The following MGST1 variants were observed in gnomAD, a reference collection of about 807,000 sequenced individuals.
The protein encoded by MGST1 is microsomal glutathione S-transferase 1.
In MGST1, 5 loss-of-function variants were observed where a neutral mutation model predicts 8.9. The observed-to-expected ratio is 0.56, with a 90% CI of 0.29 to 1.19. The LOEUF is 1.19. MGST1 is among the 50% of genes most tolerant of loss of function. The pLI, the probability that MGST1 is intolerant of heterozygous loss-of-function variation, is 0.08. For missense variants in MGST1, 182 were observed against 187.4 expected (o/e 0.97, Z 0.17); for synonymous variants, 54 against 67.8 (o/e 0.80, Z 1.00).
intron 4 of MGST1, among the ~76,000 whole-genome samples, chr12:16,464,097 G>A (rs536073140): frequency 6.6e-6 from 1 of 152,332 alleles, no homozygotes; most frequent in South Asian, 2.1e-4. Flanking sequence ...CATCTGTGAA[G>A]TGGGTATACA....
chr12:16,402,950 AT>A (rs1940670117), intron 1 of MGST1, among the ~76,000 whole-genome samples: 1 of 118,150 alleles, frequency 8.5e-6, no homozygotes. Flanking sequence ...CATTTAATAT[AT>A]TCTCTATATA....
intron 3 of MGST1, among the ~76,000 whole-genome samples, chr12:16,374,646 G>C (rs1413569335): frequency 6.6e-6 from 1 of 152,012 alleles, no homozygotes; most frequent in Non-Finnish European, 1.5e-5. Context: ...TTGAAAACCA[G>C]GTTATTTATT....
chr12:16,389,650 A>G lies in MGST1; in HGVS notation n.778+6046A>G, dbSNP rs1591714938. Among the ~76,000 whole-genome samples, 2 of 152,350 alleles carry G rather than the reference A, an allele frequency of 1.3e-5. No homozygotes were observed. The highest frequency in any genetic ancestry group is 4.1e-4 in the South Asian group (2 of 4,828). ...TCATAGGAGGGACTACAGAGAAGCA[A>G]GGATTCCAGATGGAGGGAGAGTTTG... is the stretch of plus-strand genomic sequence containing the variant. On this transcript the variant is annotated intron_variant and non_coding_transcript_variant, in intron 1 of 1. Coordinates refer to the MGST1 transcript ENST00000359720. This position sits in a 1 kb window ranked among gnomAD's most constrained non-coding sequence, Gnocchi z 4.6.
At chr12:16,487,472 G>A (rs974227772) in intron 4 of MGST1, among the ~76,000 whole-genome samples, 3 of 152,080 alleles carry the variant, frequency 2.0e-5, no homozygotes, top group African/African-American at 4.8e-5. Context: ...GTATAGGAAC[G>A]ATACAGTCCA....
chr12:16,427,527 G>T (rs1402213421), intron 1 of MGST1, among the ~76,000 whole-genome samples: 1 of 152,042 alleles, frequency 6.6e-6, no homozygotes, highest in Non-Finnish European at 1.5e-5. Flanking sequence ...GGATTACAGG[G>T]TGTGCTACCA....
intron 4 of MGST1, among the ~76,000 whole-genome samples, chr12:16,509,316 CAT>C (rs1188481871): frequency 6.6e-6 from 1 of 151,930 alleles, no homozygotes; most frequent in Non-Finnish European, 1.5e-5. Flanking sequence ...AATGGATTAC[CAT>C]ATTTCTTCTT....
At chr12:16,390,816 A>G (rs1335983949) in intron 1 of MGST1, among the ~76,000 whole-genome samples, 4 of 152,134 alleles carry the variant, frequency 2.6e-5, no homozygotes. Flanking sequence ...TGTTCTGGGT[A>G]TAGACCCAGT....
intron 4 of MGST1, among the ~76,000 whole-genome samples, chr12:16,565,245 G>A (rs932917966): frequency 3.2e-4 from 48 of 152,334 alleles, no homozygotes; most frequent in African/African-American, 1.1e-3. Context: ...ACTTTTGACT[G>A]TTGGATGGAA....
At chr12:16,442,863 T>C (rs1565455695), downstream of MGST1, among the ~76,000 whole-genome samples, 2 of 151,904 alleles carry the variant, frequency 1.3e-5, no homozygotes, top group African/African-American at 4.8e-5. The surrounding 1 kb of genome is among the most constrained non-coding windows in gnomAD (Gnocchi z 4.5). Flanking sequence ...TAGTGTTTTA[T>C]ATACATCAAT....
intron 4 of MGST1, among the ~76,000 whole-genome samples, chr12:16,525,157 T>TA (rs1268255194): frequency 6.6e-6 from 1 of 152,058 alleles, no homozygotes; most frequent in Non-Finnish European, 1.5e-5. Context: ...AATTTTTTTT[T>TA]ATTATACTTT....
At chr12:16,387,239 G>C (rs1359246769) in intron 1 of MGST1, among the ~76,000 whole-genome samples, 1 of 152,056 alleles carries the variant, frequency 6.6e-6, no homozygotes, top group Non-Finnish European at 1.5e-5. Context: ...ATGACATTTT[G>C]GTCAATGATG....
In MGST1 at chr12:16,401,596, C is replaced by T; in HGVS notation, n.778+17992C>T. The T allele has an allele frequency of 6.9e-7, 1 of 1,451,096 alleles. No homozygotes were observed. The allele number at this position is 1,451,096 out of a possible 1,614,324, so 89.9% of individuals were successfully genotyped here. On this transcript the variant is annotated intron_variant and non_coding_transcript_variant, in intron 1 of 1. Transcript: ENST00000359720. This position sits in a 1 kb window ranked among gnomAD's most constrained non-coding sequence, Gnocchi z 4.3. ...GAGCAATAAGACTCGAAGCGAATAC[C>T]CATGGCACAAGTGATAGCCCCAAAA...
In MGST1 at chr12:16,458,153, T is replaced by C. The variant is rs1375852308; in HGVS notation, n.482+74549T>C. Among the ~76,000 whole-genome samples the C allele has an allele frequency of 8.6e-5, 13 of 151,964 alleles. No homozygotes were observed. ...CGAGGGTTACTGCATATTAATACTT[T>C]GGGAATAAAGATGGGAATGTTGTGC... On this transcript the variant is annotated intron_variant and non_coding_transcript_variant, in intron 4 of 4. Coordinates refer to the MGST1 transcript ENST00000538857. The surrounding 1 kb of genome is among the most constrained non-coding windows in gnomAD (Gnocchi z 4.0).
intron 4 of MGST1, among the ~76,000 whole-genome samples, chr12:16,562,092 T>G (rs1391154010): frequency 3.3e-5 from 5 of 152,216 alleles, no homozygotes; most frequent in Non-Finnish European, 7.3e-5. Flanking sequence ...AAGAAAGAAC[T>G]TGCTCGAAAA....
At chr12:16,402,486 C>A in intron 1 of MGST1, 1 of 1,445,030 alleles carries the variant, frequency 6.9e-7, no homozygotes, top group Non-Finnish European at 9.7e-7. Flanking sequence ...GCCACCTGCT[C>A]TCGGCCCAGG....
intron 4 of MGST1, among the ~76,000 whole-genome samples, chr12:16,545,136 T>C (rs1398911812): frequency 2.6e-5 from 4 of 152,102 alleles, no homozygotes; most frequent in Admixed American, 1.3e-4. Flanking sequence ...TTACATGGGA[T>C]TTTAGTAAAA....
At chr12:16,417,776 G>T (rs1460286388) in intron 1 of MGST1, among the ~76,000 whole-genome samples, 1 of 152,098 alleles carries the variant, frequency 6.6e-6, no homozygotes, top group Non-Finnish European at 1.5e-5. Flanking sequence ...CTGAGGTAAT[G>T]GGCCCTAGAG....
intron 1 of MGST1, among the ~76,000 whole-genome samples, chr12:16,423,674 G>A (rs1466496811): frequency 6.6e-6 from 1 of 152,146 alleles, no homozygotes; most frequent in Non-Finnish European, 1.5e-5. Flanking sequence ...CTGTGGATTT[G>A]TTATTTTGTT....
chr12:16,380,461 T>G (rs1419436108), downstream of MGST1, among the ~76,000 whole-genome samples: 2 of 150,882 alleles, frequency 1.3e-5, no homozygotes, highest in African/African-American at 2.5e-5. Flanking sequence ...TTTGAGTGAG[T>G]TTTTTTAATC....
Sources: gnomAD v4.1 joint callset for allele counts (sites outside exome capture counted in the v4.1 genomes callset) on GRCh38, gnomAD v4.1.1 for gene constraint, Gnocchi (gnomAD v3.1) non-coding constraint, MANE v1.5 for transcripts, NCBI Gene and HGNC (gene_info 2026-07-23, HGNC 2026-07-21) for gene names.